SEL1L: variants seen among roughly 807,000 people sequenced by gnomAD.
SEL1L encodes the protein SEL1L adaptor subunit of SYVN1 ubiquitin ligase.
A neutral mutation model predicts 109.8 loss-of-function variants in SEL1L; 52 were observed. The observed-to-expected ratio is 0.47, with a 90% CI of 0.38 to 0.60. SEL1L has a LOEUF of 0.60. Ranked by LOEUF, SEL1L falls within the 20% of genes least tolerant of loss-of-function variation. SEL1L has a pLI of 0.00. For synonymous variants in SEL1L, 373 were observed against 339.6 expected (o/e 1.10, Z -1.08); for missense variants, 749 against 962.2 (o/e 0.78, Z 2.93).
intron 10 of SEL1L, among the ~76,000 whole-genome samples, chr14:81,495,722 A>T (rs1390842869): frequency 6.6e-6 from 1 of 151,956 alleles, no homozygotes; most frequent in East Asian, 1.9e-4. Context: ...GGATCATCTA[A>T]GGTCAGGAGT....
At chr14:81,527,808 A>T in intron 1 of SEL1L, 70 bp from the exon 2 acceptor site, 1 of 1,041,196 alleles carries the variant, frequency 9.6e-7, no homozygotes, top group South Asian at 1.4e-5. Context: ...AAAAGAAAAC[A>T]TGTGAAAAGT....
chr14:81,490,192 A>G (rs1883484181), intron 13 of SEL1L, among the ~76,000 whole-genome samples, 196 bp downstream of exon 13: 1 of 152,186 alleles, frequency 6.6e-6, no homozygotes, highest in African/African-American at 2.4e-5. Flanking sequence ...AAAATCAACA[A>G]CTTGGTCCCT....
intron 14 of SEL1L, among the ~76,000 whole-genome samples, 162 bp from the exon 15 acceptor site, chr14:81,488,104 TAA>T (rs1197966418): frequency 2.0e-5 from 3 of 152,132 alleles, no homozygotes; most frequent in Non-Finnish European, 1.5e-5. Context: ...TAATATACAT[TAA>T]GTCATAGGGG....
At chr14:81,484,495 A>C (rs1903459414) in intron 18 of SEL1L, 98 bp from the exon 19 acceptor site, 2 of 1,148,940 alleles carry the variant, frequency 1.7e-6, no homozygotes, top group Non-Finnish European at 2.5e-6. Context: ...ACATAAAACA[A>C]AGAATTTTAA....
At chr14:81,523,119 G>C (rs1337090164) in intron 3 of SEL1L, among the ~76,000 whole-genome samples, 1 of 152,126 alleles carries the variant, frequency 6.6e-6, no homozygotes, top group Admixed American at 6.5e-5. Flanking sequence ...TCTTCTGTAT[G>C]ATAATGAGAA....
chr14:81,480,919 T>C (rs901919375), intron 19 of SEL1L, among the ~76,000 whole-genome samples: 2 of 152,084 alleles, frequency 1.3e-5, no homozygotes, highest in Non-Finnish European at 2.9e-5. Flanking sequence ...CTCCAGTGCA[T>C]TGTCTTGGGG....
chr14:81,517,488 G>T (rs932953187), intron 3 of SEL1L, among the ~76,000 whole-genome samples: 2 of 151,858 alleles, frequency 1.3e-5, no homozygotes, highest in South Asian at 4.2e-4. Context: ...CAATCCAGCA[G>T]TTTTTTTTCA....
At chr14:81,532,202 A>G (rs920744190) in intron 1 of SEL1L, among the ~76,000 whole-genome samples, 1 of 152,238 alleles carries the variant, frequency 6.6e-6, no homozygotes. Context: ...AACTCTGCCA[A>G]TTAAATTCAG....
chr14:81,483,047 G>A (rs779132306), intron 19 of SEL1L, among the ~76,000 whole-genome samples: 18 of 152,296 alleles, frequency 1.2e-4, no homozygotes, highest in Admixed American at 2.6e-4. Context: ...CTATCAAGTA[G>A]TCAGGAGATT....
rs141738323 is a variant in SEL1L, at chr14:81,491,679, T to C, written c.1254+801A>G. 6.8e-3 allele frequency among the ~76,000 whole-genome samples: 1,034 copies of C among 152,370 alleles called. 13 individuals carry two copies. The highest frequency in any genetic ancestry group is 0.023 in the African/African-American group (936 of 41,588). On this transcript the variant is annotated intron_variant, in intron 12 of 20. Transcript: ENST00000336735. ...TGAAAATACCCATTGATTTATACTA[T>C]GTTTCAAAATAATGAAAAAGTTTTG...
intron 2 of SEL1L, among the ~76,000 whole-genome samples, chr14:81,527,463 A>ACACACACACACG (rs1296414717): frequency 6.6e-6 from 1 of 151,912 alleles, no homozygotes; most frequent in Non-Finnish European, 1.5e-5. Flanking sequence ...ACACACACAC[A>ACACACACACACG]CACACACACA....
chr14:81,480,609 CTTGGGAGGCTGA>C (rs1291101572), intron 19 of SEL1L, among the ~76,000 whole-genome samples: 1 of 152,104 alleles, frequency 6.6e-6, no homozygotes, highest in Non-Finnish European at 1.5e-5. Flanking sequence ...GTCCCAGCTA[CTTGGGAGGCTGA>C]GTGGGAGGAC....
chr14:81,533,714 G>A lies in SEL1L; in HGVS notation c.31C>T (p.Leu11=). 6.2e-7 allele frequency: 1 copy of A among 1,613,594 alleles called. No individual in the cohort carries two copies. Among genetic ancestry groups the A allele is most frequent in the South Asian group, 1.1e-5 (1 of 91,078 alleles). The change falls in exon 1 of 21, where the codon CTG becomes TTG. Residue 11 remains leucine (L), a synonymous_variant. Coordinates refer to ENST00000336735, the MANE Select transcript of SEL1L (RefSeq NM_005065.6). Reference sequence around the variant, plus strand: ...GCCAAGCTCAGCAGCACCGCACACAGCAGCAGCGTCAGCCCTATCCGGACC... The same window carrying A: ...GCCAAGCTCAGCAGCACCGCACACAACAGCAGCGTCAGCCCTATCCGGACC... MRVRIGLTLL[L]CAVLLSLASA...
intron 10 of SEL1L, 67 bp from the exon 11 acceptor site, chr14:81,495,204 A>C: frequency 1.4e-6 from 2 of 1,400,198 alleles, no homozygotes; most frequent in Non-Finnish European, 2.0e-6. Flanking sequence ...AATCAGACCA[A>C]CAAGAAATGA....
intron 3 of SEL1L, among the ~76,000 whole-genome samples, chr14:81,518,874 G>A (rs1884807002): frequency 6.6e-6 from 1 of 151,994 alleles, no homozygotes; most frequent in South Asian, 2.1e-4. Context: ...AGATGCCTTG[G>A]CCAATGACCT....
intron 2 of SEL1L, 22 bp downstream of exon 2, chr14:81,527,679 C>A: frequency 6.4e-7 from 1 of 1,569,546 alleles, no homozygotes; most frequent in South Asian, 1.2e-5. Flanking sequence ...AAATACTGGC[C>A]AATACACATT....
intron 3 of SEL1L, among the ~76,000 whole-genome samples, chr14:81,509,872 A>G (rs1287022534): frequency 1.3e-5 from 2 of 152,242 alleles, no homozygotes; most frequent in Non-Finnish European, 2.9e-5. Flanking sequence ...GTACAAGAGA[A>G]TACTTGTACA....
In SEL1L at chr14:81,474,056, C is replaced by G. The variant is rs1203124760; in HGVS notation, c.*2916G>C. 6.6e-6 allele frequency: 1 copy of G among 151,590 alleles called. No individual in the cohort carries two copies. Among genetic ancestry groups the G allele is most frequent in the African/African-American group, 2.4e-5 (1 of 41,314 alleles). The allele number at this position is 151,590 out of a possible 1,614,324, so 9.4% of individuals were successfully genotyped here. ...TCTCACATGTAAGGTAAAAATTAACCTAATATGCAAAAAAGTAACAAATCC... is the reference window on the plus strand; with the variant it reads ...TCTCACATGTAAGGTAAAAATTAACGTAATATGCAAAAAAGTAACAAATCC... On this transcript the variant is annotated 3_prime_UTR_variant, in exon 21 of 21. Coordinates refer to ENST00000336735, the MANE Select transcript of SEL1L (RefSeq NM_005065.6).
intron 12 of SEL1L, among the ~76,000 whole-genome samples, chr14:81,490,731 T>C (rs1883507816): frequency 6.6e-6 from 1 of 152,122 alleles, no homozygotes; most frequent in African/African-American, 2.4e-5. Context: ...CAAAACCCTG[T>C]CTCTACTAAA....
Sources: allele counts gnomAD v4.1 joint callset (sites outside exome capture counted in the v4.1 genomes callset), GRCh38; gene constraint gnomAD v4.1.1; transcripts MANE v1.5; gene names NCBI Gene and HGNC (gene_info 2026-07-23, HGNC 2026-07-21).